Variants in RBM47 observed in about 807,000 individuals in gnomAD.
The protein encoded by RBM47 is RNA-binding protein 47.
RBM47 carries 21 observed loss-of-function variants against 47.1 expected under a neutral mutation model. The observed-to-expected ratio is 0.45, with a 90% CI of 0.32 to 0.64. The LOEUF (loss-of-function observed/expected upper bound fraction) is 0.64. Ranked by LOEUF, RBM47 falls within the 30% of genes least tolerant of loss-of-function variation. The pLI, the probability that RBM47 is intolerant of heterozygous loss-of-function variation, is 0.05. For synonymous variants in RBM47, 375 were observed against 361.7 expected, an observed-to-expected ratio of 1.04 and a Z score of -0.42; for missense variants, 708 against 870.9, an observed-to-expected ratio of 0.81 and a Z score of 2.35.
chr4:40,482,880 C>A (rs781715417), intron 2 of RBM47, among the ~76,000 whole-genome samples: 1 of 152,112 alleles, frequency 6.6e-6, no homozygotes, highest in South Asian at 2.1e-4. Context: ...GCCTAGTTAC[C>A]TGTTCAACAT....
At chr4:40,590,424 T>C (rs955092944) in intron 1 of RBM47, among the ~76,000 whole-genome samples, 2 of 151,358 alleles carry the variant, frequency 1.3e-5, no homozygotes, top group Admixed American at 6.6e-5. Context: ...CCACAAAGAC[T>C]GGGCAAGACA....
rs149776440 is a variant in RBM47, at chr4:40,570,506, C to T, written c.-239-26000G>A. ...ATCAGAACTCAGGCAGTAATGTAAG[C>T]GATGGGGAACGACTGTAAATACAGA... is the stretch of plus-strand genomic sequence containing the variant. On this transcript the variant is annotated intron_variant, in intron 1 of 6. Coordinates refer to ENST00000295971, the MANE Select transcript of RBM47 (RefSeq NM_001098634.2). Among the ~76,000 whole-genome samples, 116 of 152,020 alleles carry T rather than the reference C, an allele frequency of 7.6e-4. No homozygotes were observed. The South Asian group carries it at 9.3e-3, about 12-fold the overall frequency.
intron 1 of RBM47, among the ~76,000 whole-genome samples, chr4:40,603,791 G>A (rs1297837895): frequency 1.3e-5 from 2 of 152,018 alleles, no homozygotes; most frequent in African/African-American, 2.4e-5. Context: ...TTGTAGAGAC[G>A]GGGTTTCACC....
intron 1 of RBM47, among the ~76,000 whole-genome samples, chr4:40,590,099 T>C (rs574839060): frequency 6.6e-6 from 1 of 152,178 alleles, no homozygotes; most frequent in East Asian, 1.9e-4. Context: ...CACTCCATTC[T>C]AGCTGAGAGT....
intron 3 of RBM47, among the ~76,000 whole-genome samples, chr4:40,444,645 A>T (rs942512579): frequency 6.6e-6 from 1 of 150,916 alleles, no homozygotes; most frequent in South Asian, 2.1e-4. Flanking sequence ...ACTTAATTTC[A>T]GGACTAATTT....
intron 2 of RBM47, among the ~76,000 whole-genome samples, chr4:40,504,076 A>G (rs1560426736): frequency 6.6e-6 from 1 of 152,122 alleles, no homozygotes; most frequent in African/African-American, 2.4e-5. Context: ...TGGGAATTAG[A>G]GTGCTCAGAT....
chr4:40,542,039 G>A (rs1728597808), intron 2 of RBM47, among the ~76,000 whole-genome samples: 1 of 152,160 alleles, frequency 6.6e-6, no homozygotes, highest in African/African-American at 2.4e-5. Flanking sequence ...CTTCCTTGGG[G>A]AGGTAGGTGA....
chr4:40,630,767 C>T (rs9683671), upstream of RBM47: 1 of 152,218 alleles, frequency 6.6e-6, no homozygotes, highest in African/African-American at 2.4e-5. Flanking sequence ...CGCCCCACCC[C>T]CTCCGCCTTA....
chr4:40,584,600 T>C (rs542121534), intron 1 of RBM47, among the ~76,000 whole-genome samples: 2 of 152,310 alleles, frequency 1.3e-5, no homozygotes, highest in South Asian at 4.1e-4. Context: ...TTTTGGATGC[T>C]AGATTTCAAC....
At chr4:40,540,653 AT>A (rs869151890) in intron 2 of RBM47, among the ~76,000 whole-genome samples, 4,534 of 89,190 alleles carry the variant, frequency 0.051, 197 homozygotes, top group African/African-American at 0.13. Flanking sequence ...AAAAAAAAAA[AT>A]AATAATAATA....
At chr4:40,470,840 T>G (rs1718750016) in intron 2 of RBM47, among the ~76,000 whole-genome samples, 1 of 152,142 alleles carries the variant, frequency 6.6e-6, no homozygotes, top group African/African-American at 2.4e-5. Context: ...CTTCCCGGGT[T>G]CAAGTGATTC....
intron 2 of RBM47, among the ~76,000 whole-genome samples, chr4:40,469,650 GT>G (rs1264747709): frequency 6.6e-6 from 1 of 150,474 alleles, no homozygotes; most frequent in Non-Finnish European, 1.5e-5. Context: ...TGTGTTTGGA[GT>G]TATTCTGGAA....
intron 2 of RBM47, among the ~76,000 whole-genome samples, chr4:40,536,052 G>A (rs746180452): frequency 3.3e-5 from 5 of 152,176 alleles, no homozygotes; most frequent in Non-Finnish European, 1.5e-5. Context: ...GGTGTCACTT[G>A]TATTTTGCTG....
At chr4:40,578,745 G>A (rs1732572161) in intron 1 of RBM47, among the ~76,000 whole-genome samples, 1 of 152,210 alleles carries the variant, frequency 6.6e-6, no homozygotes, top group African/African-American at 2.4e-5. Context: ...ATGGTGCTGT[G>A]TAGCAGGGCC....
intron 3 of RBM47, among the ~76,000 whole-genome samples, chr4:40,451,638 T>G (rs1249378703): frequency 6.6e-6 from 1 of 152,234 alleles, no homozygotes; most frequent in Admixed American, 6.5e-5. Context: ...AATGGGCTTC[T>G]GGGATACAGT....
intron 2 of RBM47, among the ~76,000 whole-genome samples, chr4:40,487,765 T>G (rs1167151819): frequency 6.6e-6 from 1 of 152,218 alleles, no homozygotes; most frequent in Non-Finnish European, 1.5e-5. Context: ...TTATTGATTA[T>G]TCACACTAAA....
intron 1 of RBM47, among the ~76,000 whole-genome samples, chr4:40,621,275 G>A (rs1271560036): frequency 1.3e-5 from 2 of 152,172 alleles, no homozygotes; most frequent in African/African-American, 2.4e-5. Context: ...GCAAATGAAC[G>A]CAGAGAGGGA....
chr4:40,504,801 C>T (rs1723871847), intron 2 of RBM47, among the ~76,000 whole-genome samples: 2 of 152,184 alleles, frequency 1.3e-5, no homozygotes, highest in Non-Finnish European at 2.9e-5. Flanking sequence ...AATTTGTCCA[C>T]CTTCTATTCA....
chr4:40,517,166 G>A (rs1026667203), intron 2 of RBM47, among the ~76,000 whole-genome samples: 7 of 135,370 alleles, frequency 5.2e-5, no homozygotes, highest in African/African-American at 1.7e-4. Context: ...ATGGAGTCTC[G>A]CCCTCTTGCC....
Sources: allele counts gnomAD v4.1 joint callset (sites outside exome capture counted in the v4.1 genomes callset), GRCh38; gene constraint gnomAD v4.1.1; transcripts MANE v1.5; gene names NCBI Gene and HGNC (gene_info 2026-07-23, HGNC 2026-07-21).